Variants in VOPP1 observed in about 807,000 individuals in gnomAD.
VOPP1 encodes VOPP1 WW domain binding protein.
VOPP1 carries 8 observed loss-of-function variants against 23.5 expected under a neutral mutation model. The ratio of observed to expected loss-of-function variants is 0.34; its 90% CI spans 0.20 to 0.61. The LOEUF (loss-of-function observed/expected upper bound fraction) is 0.61, where lower values mean the gene tolerates loss of function less well. Ranked by LOEUF, VOPP1 falls within the 20% of genes least tolerant of loss-of-function variation. The probability of loss-of-function intolerance (pLI) is 0.78; values close to 1 mark genes in which losing one functional copy is unlikely to be tolerated. For missense variants in VOPP1, 174 were observed against 238.1 expected, an observed-to-expected ratio of 0.73 and a Z score of 1.77; for synonymous variants, 83 against 97.3, an observed-to-expected ratio of 0.85 and a Z score of 0.86.
At chr7:55,539,474 C>A (rs1423101716) in intron 1 of VOPP1, 1 of 152,214 alleles carries the variant, frequency 6.6e-6, no homozygotes, top group African/African-American at 2.4e-5. Context: ...GAATTCCATT[C>A]CACTTGGTAC....
intron 1 of VOPP1, among the ~76,000 whole-genome samples, chr7:55,559,313 G>C (rs997877831): frequency 2.0e-5 from 3 of 152,210 alleles, no homozygotes; most frequent in African/African-American, 7.2e-5. Context: ...AAAGGGACCA[G>C]AGACTCCTAA....
At chr7:55,442,588 C>T (rs995733674) in intron 4 of VOPP1, among the ~76,000 whole-genome samples, 17 of 151,524 alleles carry the variant, frequency 1.1e-4, no homozygotes, top group Non-Finnish European at 1.6e-4. Context: ...TCGTTGGTGG[C>T]TCTCTGAAGA....
chr7:55,568,822 C>T (rs1489175373), intron 1 of VOPP1, among the ~76,000 whole-genome samples: 1 of 152,074 alleles, frequency 6.6e-6, no homozygotes, highest in African/African-American at 2.4e-5. Context: ...TAAGGAGTTA[C>T]TGTGTGAAGG....
rs542211737 is a variant in VOPP1 at position 55,512,977 on chromosome 7, AC to A, written c.113+8094del. ...CCTTGTCTCTGGATCTTGATTTGAC[AC>A]CTGTGAACAGCACTTCATCCACTCA... On this transcript the variant is annotated intron_variant, in intron 2 of 4. Coordinates refer to ENST00000285279, the MANE Select transcript of VOPP1 (RefSeq NM_030796.5). Among the ~76,000 whole-genome samples the A allele has an allele frequency of 9.8e-5, 15 of 152,316 alleles. No individual in the cohort carries two copies. The South Asian group carries it at 3.1e-3, about 32-fold the overall frequency.
At chr7:55,435,268 G>A (rs1042657298), downstream of VOPP1, among the ~76,000 whole-genome samples, 2 of 152,146 alleles carry the variant, frequency 1.3e-5, no homozygotes, top group Admixed American at 6.6e-5. Flanking sequence ...GCTTCAAAGC[G>A]GTGTGTGACC....
chr7:55,567,264 GC>G (rs1798192659), intron 1 of VOPP1, among the ~76,000 whole-genome samples: 2 of 152,200 alleles, frequency 1.3e-5, no homozygotes, highest in African/African-American at 4.8e-5. Context: ...ATAAATCAGA[GC>G]AAAACCTTTG....
intron 4 of VOPP1, among the ~76,000 whole-genome samples, chr7:55,453,782 T>C (rs1323246167): frequency 1.3e-5 from 2 of 152,202 alleles, no homozygotes; most frequent in East Asian, 1.9e-4. Context: ...ATGGCACTGA[T>C]AGACTTCCTT....
At chr7:55,524,825 C>T (rs7798349) in intron 1 of VOPP1, among the ~76,000 whole-genome samples, 33,261 of 151,958 alleles carry the variant, frequency 0.22, 4,177 homozygotes, top group African/African-American at 0.34. Context: ...GCTGCCAAGT[C>T]GAAGTCTGAT....
intron 2 of VOPP1, among the ~76,000 whole-genome samples, chr7:55,520,001 G>A (rs543018058): frequency 1.1e-4 from 16 of 152,226 alleles, no homozygotes; most frequent in African/African-American, 3.4e-4. Flanking sequence ...GGTGGCACAC[G>A]CCTGTAATCT....
intron 4 of VOPP1, among the ~76,000 whole-genome samples, chr7:55,479,390 G>A (rs1217110961): frequency 2.1e-5 from 3 of 141,804 alleles, no homozygotes; most frequent in Non-Finnish European, 4.5e-5. Context: ...ACAAACAACA[G>A]AGGTGTTGCC....
intron 3 of VOPP1, 102 bp downstream of exon 3, chr7:55,497,511 C>T: frequency 9.0e-7 from 1 of 1,116,846 alleles, no homozygotes; most frequent in South Asian, 1.4e-5. Flanking sequence ...TTGAGGCCAC[C>T]ACCCAAGTGA....
Position 55,497,475 on chromosome 7 carries a change from AC to A in VOPP1, c.191+137del. 5 of 710,792 alleles carry A rather than the reference AC, an allele frequency of 7.0e-6. No homozygotes were observed. In the Admixed American group the frequency reaches 1.4e-4, roughly 19 times the overall value. The allele number at this position is 710,792 out of a possible 1,614,324, so 44.0% of individuals were successfully genotyped here. A position where few individuals can be genotyped will look rare whatever the true frequency, so the allele number is the denominator to read the frequency against. On this transcript the variant is annotated intron_variant, in intron 3 of 4. Coordinates refer to ENST00000285279, the MANE Select transcript of VOPP1 (RefSeq NM_030796.5). ...CCGGTCATGAAGCCAACCCAAACAT[AC>A]CCATTTTCCTGACCAAGGCTGTCCT...
chr7:55,517,579 G>A (rs1761912081), intron 2 of VOPP1, among the ~76,000 whole-genome samples: 1 of 152,158 alleles, frequency 6.6e-6, no homozygotes, highest in South Asian at 2.1e-4. Context: ...GGCTGGATGT[G>A]AGTCTCCTGT....
chr7:55,552,763 A>T (rs1339455519), intron 1 of VOPP1: 1 of 1,531,022 alleles, frequency 6.5e-7, no homozygotes, highest in Non-Finnish European at 8.7e-7. Flanking sequence ...TCACGCAGAG[A>T]GGCAGCAAGT....
In VOPP1 at chr7:55,552,122, T is replaced by C. The variant is rs1187460766; in HGVS notation, c.54+20149A>G. 3.5e-5 allele frequency among the ~76,000 whole-genome samples: 5 copies of C among 143,826 alleles called. No homozygotes were observed. In the East Asian group the frequency reaches 1.0e-3, roughly 30 times the overall value. The allele number at this position is 143,826 out of a possible 152,430, so 94.4% of individuals were successfully genotyped here. A position where few individuals can be genotyped will look rare whatever the true frequency, so the allele number is the denominator to read the frequency against. On this transcript the variant is annotated intron_variant, in intron 1 of 4. Transcript: ENST00000285279. The stretch of plus-strand genomic sequence containing the variant: ...GCCAGGTCAGGGACCAGTGACCCTG[T>C]GGAAAAGGAAGCAGTGGGCCTACAA...
At chr7:55,548,378 G>A (rs1363679790) in intron 1 of VOPP1, among the ~76,000 whole-genome samples, 3 of 152,254 alleles carry the variant, frequency 2.0e-5, no homozygotes, top group Non-Finnish European at 4.4e-5. Context: ...AGCAGTGGCT[G>A]ACCGCCTGGT....
chr7:55,552,594 G>A, intron 1 of VOPP1: 1 of 1,535,644 alleles, frequency 6.5e-7, no homozygotes, highest in Non-Finnish European at 8.7e-7. Context: ...AGTGATTGAT[G>A]CCTCAAAAGA....
chr7:55,512,802 C>T (rs1795166723), intron 2 of VOPP1, among the ~76,000 whole-genome samples: 1 of 152,186 alleles, frequency 6.6e-6, no homozygotes, highest in East Asian at 1.9e-4. Context: ...CACAGAGGGG[C>T]CTCCCCATCA....
At chr7:55,461,730 C>T (rs913571517) in intron 4 of VOPP1, among the ~76,000 whole-genome samples, 1 of 152,166 alleles carries the variant, frequency 6.6e-6, no homozygotes, top group African/African-American at 2.4e-5. Context: ...TAGTCTATAT[C>T]TTTCAAGTGG....
Sources: gnomAD v4.1 joint callset for allele counts (sites outside exome capture counted in the v4.1 genomes callset) on GRCh38, gnomAD v4.1.1 for gene constraint, MANE v1.5 for transcripts, NCBI Gene and HGNC (gene_info 2026-07-23, HGNC 2026-07-21) for gene names.